TLR8: variants seen among roughly 807,000 people sequenced by gnomAD.
TLR8 encodes toll like receptor 8.
A neutral mutation model predicts 18.5 loss-of-function variants in TLR8; 5 were observed. The observed-to-expected ratio is 0.27, with a 90% CI of 0.14 to 0.57. The LOEUF (loss-of-function observed/expected upper bound fraction) is 0.57. Ranked by LOEUF, TLR8 falls within the 20% of genes least tolerant of loss-of-function variation. The pLI, the probability that TLR8 is intolerant of heterozygous loss-of-function variation, is 0.92. For missense variants in TLR8, 543 were observed against 769.8 expected (o/e 0.71, Z 3.49); for synonymous variants, 299 against 300.1 (o/e 1.00, Z 0.04).
In TLR8 at chrX:12,919,301, A is replaced by G. The variant is rs749370882; in HGVS notation, c.261A>G (p.Gln87=). ...HITNESFQGL[Q]NLTKINLNHN... is the part of the protein sequence containing the mutation. ...CGAATGAATCATTTCAAGGGCTGCA[A>G]AATCTCACTAAAATAAATCTAAACC... Residue 87 remains glutamine, a synonymous_variant, in exon 2 of 2, where the codon CAA becomes CAG. Transcript: ENST00000218032. 24 of 1,211,722 alleles carry G rather than the reference A, an allele frequency of 2.0e-5. No homozygotes were observed. The highest frequency in any genetic ancestry group is 2.7e-5 in the Non-Finnish European group (24 of 895,509).
At chrX:12,907,212 A>G (rs933840175) in intron 1 of TLR8, among the ~76,000 whole-genome samples, 4 of 112,466 alleles carry the variant, frequency 3.6e-5, no homozygotes, top group African/African-American at 1.3e-4. Flanking sequence ...ATTAATTGCT[A>G]CTTTTCTTGG....
rs775845314 is a variant in TLR8, at chrX:12,919,742, C to T, written c.702C>T (p.Ile234=). The T allele has an allele frequency of 9.1e-6, 11 of 1,211,055 alleles. No individual in the cohort carries two copies. The highest frequency in any genetic ancestry group is 1.1e-5 in the Non-Finnish European group (10 of 895,217). The stretch of plus-strand genomic sequence containing the variant: ...AACTTTTTCTGAGCAACACCCAGAT[C>T]AAATACATTAGTGAAGAAGATTTCA... ...LRKLFLSNTQ[I]KYISEEDFKG... Residue 234 remains isoleucine (I), a synonymous_variant, in exon 2 of 2, where the codon ATC becomes ATT. Coordinates refer to ENST00000218032, the MANE Select transcript of TLR8 (RefSeq NM_138636.5).
rs904244741 is a variant in TLR8 at position 12,920,798 on chromosome X, A to C, written c.1758A>C (p.Leu586=). Residue 586 remains leucine (L), a synonymous_variant, in exon 2 of 2, where the codon CTA becomes CTC. Coordinates refer to ENST00000218032, the MANE Select transcript of TLR8 (RefSeq NM_138636.5). ...HLEFIQNFTN[L]KVLNLSHNNI... is the part of the protein sequence containing the mutation. Reference sequence around the variant, plus strand: ...AATTTATTCAAAATTTCACAAATCTAAAAGTTTTAAACTTGAGCCACAACA... The same window carrying C: ...AATTTATTCAAAATTTCACAAATCTCAAAGTTTTAAACTTGAGCCACAACA... The C allele has an allele frequency of 1.1e-5, 13 of 1,208,740 alleles. No homozygotes were observed. The highest frequency in any genetic ancestry group is 1.2e-5 in the Non-Finnish European group (11 of 894,090).
intron 1 of TLR8, among the ~76,000 whole-genome samples, chrX:12,915,903 C>T (rs765741320): frequency 1.8e-5 from 2 of 108,490 alleles, no homozygotes; most frequent in African/African-American, 3.4e-5. Context: ...CTTTTTGAGA[C>T]GGAGTTTCAC....
intron 1 of TLR8, among the ~76,000 whole-genome samples, chrX:12,908,799 G>A (rs1467054270): frequency 8.9e-6 from 1 of 112,490 alleles, no homozygotes; most frequent in Non-Finnish European, 1.9e-5. Flanking sequence ...GAAGTTCTAA[G>A]TATGCTTTCT....
At chrX:12,907,619 C>G (rs966863743) in intron 1 of TLR8, among the ~76,000 whole-genome samples, 1 of 111,452 alleles carries the variant, frequency 9.0e-6, no homozygotes, top group African/African-American at 3.3e-5. Flanking sequence ...CTCCGCCTCC[C>G]GGGTTCAAGC....
rs759189396 is a variant in TLR8, at chrX:12,919,116, G to A, written c.76G>A (p.Ala26Thr). The A allele has an allele frequency of 2.0e-5, 24 of 1,209,773 alleles. No homozygotes were observed. Among genetic ancestry groups the A allele is most frequent in the African/African-American group, 3.5e-5 (2 of 57,152 alleles). Reference protein sequence around the residue: ...LLISGSCELCAEENFSRSYPC... With the variant: ...LLISGSCELCTEENFSRSYPC... ...AATATCTGGTTCCTGTGAGTTATGC[G>A]CCGAAGAAAATTTTTCTAGAAGCTA... Residue 26 changes from alanine to threonine, a missense_variant, in exon 2 of 2, where the codon GCC becomes ACC. This residue lies in a region of TLR8 where 117 missense variants were observed against 111.0 expected (regional missense o/e 1.05). Transcript: ENST00000218032.
chrX:12,908,342 A>AAACAACAAC (rs751159011), intron 1 of TLR8: 1 of 108,697 alleles, frequency 9.2e-6, no homozygotes, highest in Non-Finnish European at 1.9e-5. Flanking sequence ...CTCTGTTTCA[A>AAACAACAAC]AACAACAACA....
At position 12,922,292 on chromosome X, in the gene TLR8, G is replaced by A; in HGVS notation, c.*126G>A. 1 of 941,049 alleles carries A rather than the reference G, an allele frequency of 1.1e-6. No homozygotes were observed. Among genetic ancestry groups the A allele is most frequent in the Non-Finnish European group, 1.4e-6 (1 of 697,050 alleles). 77.6% of individuals were successfully genotyped at this position (941,049 alleles called of 1,213,427 possible). On this transcript the variant is annotated 3_prime_UTR_variant, in exon 2 of 2. Coordinates refer to ENST00000218032, the MANE Select transcript of TLR8 (RefSeq NM_138636.5). ...GTGGTTTAAAACAACACATTTGCTG[G>A]CCCACAGTTTTTGAGGGTCAGGAGT...
chrX:12,906,727 CT>C lies in TLR8; in HGVS notation c.3+21del. On this transcript the variant is annotated intron_variant, in intron 1 of 1. Transcript: ENST00000218032. ...GAAACATGGTAAGCCACTTCTATTTCTTTAGCAAAGCTTTCCAACAGAATAT... is the reference window on the plus strand; with the variant it reads ...GAAACATGGTAAGCCACTTCTATTTCTTAGCAAAGCTTTCCAACAGAATAT... 1 of 1,104,144 alleles carries C rather than the reference CT, an allele frequency of 9.1e-7. No individual in the cohort carries two copies. Among genetic ancestry groups the C allele is most frequent in the Non-Finnish European group, 1.2e-6 (1 of 847,493 alleles). The allele number at this position is 1,104,144 out of a possible 1,213,427, so 91.0% of individuals were successfully genotyped here. A position where few individuals can be genotyped will look rare whatever the true frequency, so the allele number is the denominator to read the frequency against.
chrX:12,910,357 G>C, intron 1 of TLR8: 1 of 1,166,304 alleles, frequency 8.6e-7, no homozygotes, highest in South Asian at 1.9e-5. Flanking sequence ...CATCCCAGGA[G>C]ACCTTGAAGG....
At chrX:12,910,280 G>T in intron 1 of TLR8, 1 of 1,112,474 alleles carries the variant, frequency 9.0e-7, no homozygotes, top group African/African-American at 1.9e-5. Flanking sequence ...CAACTGAGGA[G>T]ATTAATTACA....
chrX:12,919,830 C>G lies in TLR8; in HGVS notation c.790C>G (p.Pro264Ala), dbSNP rs1163463941. 3 of 1,208,932 alleles carry G rather than the reference C, an allele frequency of 2.5e-6. No homozygotes were observed. Among genetic ancestry groups the G allele is most frequent in the Non-Finnish European group, 3.4e-6 (3 of 894,420 alleles). Residue 264 changes from proline to alanine, a missense_variant, in exon 2 of 2, where the codon CCA becomes GCA. By Grantham distance (27) the Pro-to-Ala change is conservative. This residue lies in a region of TLR8 where 185 missense variants were observed against 298.9 expected (regional missense o/e 0.62). Transcript: ENST00000218032. ...GAACTGTCCGAGGTGCTTCAATGCC[C>G]CATTTCCATGCGTGCCTTGTGATGG... ...SGNCPRCFNA[P>A]FPCVPCDGGA...
intron 1 of TLR8, among the ~76,000 whole-genome samples, chrX:12,914,855 T>C (rs983389720): frequency 1.8e-5 from 2 of 111,293 alleles, no homozygotes; most frequent in Admixed American, 9.6e-5. Context: ...GATGAAGAGA[T>C]TGGGGAGACG....
intron 1 of TLR8, chrX:12,910,455 T>G (rs1259554447): frequency 2.1e-5 from 25 of 1,164,639 alleles, no homozygotes; most frequent in Non-Finnish European, 2.6e-5. Flanking sequence ...AAAAAGCTGT[T>G]AATTCCAGGA....
chrX:12,910,019 C>G (rs1361279576), intron 1 of TLR8, among the ~76,000 whole-genome samples: 1 of 112,035 alleles, frequency 8.9e-6, no homozygotes, highest in African/African-American at 3.2e-5. Context: ...CTTTTGTCTT[C>G]CAAAGCTGTT....
At chrX:12,911,906 G>A (rs761303671) in intron 1 of TLR8, among the ~76,000 whole-genome samples, 7 of 112,580 alleles carry the variant, frequency 6.2e-5, no homozygotes, top group African/African-American at 1.3e-4. Flanking sequence ...TCATCCACCT[G>A]CTTTCCATTT....
At chrX:12,908,590 C>A (rs752224488) in intron 1 of TLR8, among the ~76,000 whole-genome samples, 2 of 112,358 alleles carry the variant, frequency 1.8e-5, no homozygotes, top group Non-Finnish European at 3.8e-5. Context: ...GGATACAGGG[C>A]TTGGCATTTG....
At chrX:12,917,362 T>C (rs16987203) in intron 1 of TLR8, among the ~76,000 whole-genome samples, 7,340 of 112,336 alleles carry the variant, frequency 0.065, 608 homozygotes, top group African/African-American at 0.23. Flanking sequence ...CTGTTACAAA[T>C]GGGCAATAAT....
Sources: allele counts gnomAD v4.1 joint callset (sites outside exome capture counted in the v4.1 genomes callset), GRCh38; gene constraint gnomAD v4.1.1; regional missense constraint gnomAD v4.1.1; transcripts MANE v1.5; gene names NCBI Gene and HGNC (gene_info 2026-07-23, HGNC 2026-07-21).